Variants in SLC26A4 observed in about 807,000 individuals in gnomAD.
SLC26A4 encodes solute carrier family 26 member 4.
SLC26A4 carries 93 observed loss-of-function variants against 90.4 expected under a neutral mutation model. That is an observed-to-expected ratio of 1.03 (90% CI 0.87 to 1.22). The LOEUF (loss-of-function observed/expected upper bound fraction) is 1.22. Ranked by LOEUF, SLC26A4 falls within the 50% of genes most tolerant of loss-of-function variation. SLC26A4 has a pLI of 0.00. For synonymous variants in SLC26A4, 393 were observed against 354.6 expected (o/e 1.11, Z -1.22); for missense variants, 1,127 against 946.2 (o/e 1.19, Z -2.51).
chr7:107,661,422 C>T lies in SLC26A4; in HGVS notation c.-3-217C>T. 1 of 607,854 alleles carries T rather than the reference C, an allele frequency of 1.6e-6. No individual in the cohort carries two copies. Among genetic ancestry groups the T allele is most frequent in the Non-Finnish European group, 2.9e-6 (1 of 342,048 alleles). 37.7% of individuals were successfully genotyped at this position (607,854 alleles called of 1,614,324 possible). On this transcript the variant is annotated intron_variant, in intron 1 of 20. Coordinates refer to ENST00000644269, the MANE Select transcript of SLC26A4 (RefSeq NM_000441.2). This position sits in a 1 kb window ranked among gnomAD's most constrained non-coding sequence, Gnocchi z 5.1. ...CGGGCAGCGGGTGCAGGCCACGAGA[C>T]CCGAAGGTTCTCAGGTGCCCCCCTG...
At chr7:107,685,636 G>A (rs538419850) in intron 8 of SLC26A4, among the ~76,000 whole-genome samples, 1 of 152,220 alleles carries the variant, frequency 6.6e-6, no homozygotes, top group African/African-American at 2.4e-5. Flanking sequence ...CCCTTTCCTG[G>A]TAGAAACATA....
intron 15 of SLC26A4, 146 bp from the exon 16 acceptor site, chr7:107,700,955 C>T (rs1254716991): frequency 1.6e-6 from 1 of 642,172 alleles, no homozygotes; most frequent in Non-Finnish European, 2.9e-6. Flanking sequence ...AGACAGAGAT[C>T]TACTCCATCA....
At chr7:107,684,289 A>C (rs911950631) in intron 8 of SLC26A4, among the ~76,000 whole-genome samples, 1 of 152,158 alleles carries the variant, frequency 6.6e-6, no homozygotes, top group African/African-American at 2.4e-5. Context: ...TTAAGACTAG[A>C]CTTGCTGTTA....
At chr7:107,663,919 G>C (rs1004979412) in intron 3 of SLC26A4, among the ~76,000 whole-genome samples, 1 of 152,082 alleles carries the variant, frequency 6.6e-6, no homozygotes, top group African/African-American at 2.4e-5. Flanking sequence ...TCCTGACCTC[G>C]TGATCCGCCT....
intron 13 of SLC26A4, among the ~76,000 whole-genome samples, chr7:107,696,773 C>A (rs918879321): frequency 1.3e-5 from 2 of 152,150 alleles, no homozygotes; most frequent in African/African-American, 4.8e-5. Flanking sequence ...TGTTTTGATT[C>A]TAGAGAGGCC....
intron 20 of SLC26A4, 60 bp downstream of exon 20, chr7:107,712,682 A>T: frequency 1.1e-6 from 1 of 890,408 alleles, no homozygotes; most frequent in Non-Finnish European, 1.9e-6. Flanking sequence ...TTAGAGTAAT[A>T]CAAATAGTGA....
chr7:107,693,462 C>T (rs1007215908), intron 10 of SLC26A4: 73 of 985,292 alleles, frequency 7.4e-5, no homozygotes, highest in Non-Finnish European at 8.6e-5. Context: ...TTGCACTAGA[C>T]AGTACTTGTG....
At chr7:107,679,796 A>AAATATAATCTTATATTATTATAT (rs1379037450) in intron 6 of SLC26A4, among the ~76,000 whole-genome samples, 28 of 142,030 alleles carry the variant, frequency 2.0e-4, no homozygotes, top group East Asian at 5.9e-4. Context: ...CTATGTCGTT[A>AAATATAATCTTATATTATTATAT]AATATAATCT....
chr7:107,680,000 T>TATTATATAATATA (rs1562827054), intron 6 of SLC26A4, among the ~76,000 whole-genome samples: 8 of 134,044 alleles, frequency 6.0e-5, no homozygotes, highest in African/African-American at 2.0e-4. Context: ...AATATAATCT[T>TATTATATAATATA]ATCTTATTAT....
intron 13 of SLC26A4, among the ~76,000 whole-genome samples, chr7:107,697,796 G>A (rs777478933): frequency 6.6e-6 from 1 of 152,182 alleles, no homozygotes; most frequent in Non-Finnish European, 1.5e-5. Flanking sequence ...TGTTGTGCAC[G>A]TGCAAGTATG....
Position 107,661,677 on chromosome 7 carries a change from G to A in SLC26A4, c.36G>A (p.Gln12=). Residue 12 remains glutamine (Q), a synonymous_variant, in exon 2 of 21, where the codon CAG becomes CAA. Transcript: ENST00000644269. The surrounding 1 kb of genome is among the most constrained non-coding windows in gnomAD (Gnocchi z 5.1). ...AAPGGRSEPP[Q]LPEYSCSYMV... The stretch of plus-strand genomic sequence containing the variant: ...CAGGCGGCAGGTCGGAGCCGCCGCA[G>A]CTCCCCGAGTACAGCTGCAGCTACA... 6.4e-7 allele frequency: 1 copy of A among 1,571,660 alleles called. No individual in the cohort carries two copies. Among genetic ancestry groups the A allele is most frequent in the Non-Finnish European group, 8.6e-7 (1 of 1,163,562 alleles).
intron 7 of SLC26A4, 27 bp from the exon 8 acceptor site, chr7:107,683,428 T>G (rs367614348): frequency 4.5e-5 from 73 of 1,610,652 alleles, no homozygotes; most frequent in Non-Finnish European, 6.2e-5. Flanking sequence ...ACCAATGGAG[T>G]TTTTAACATC....
chr7:107,681,499 A>G (rs187786578), intron 6 of SLC26A4, among the ~76,000 whole-genome samples: 82 of 152,324 alleles, frequency 5.4e-4, no homozygotes, highest in African/African-American at 1.9e-3. Context: ...CATTTTATAA[A>G]TGTTATAAAC....
chr7:107,686,405 T>TTTTC (rs774114215), intron 8 of SLC26A4, among the ~76,000 whole-genome samples: 8,723 of 82,454 alleles, frequency 0.11, 532 homozygotes, highest in South Asian at 0.14. Flanking sequence ...TCTCTCTCTT[T>TTTTC]TTTCTTTCTT....
Position 107,690,141 on chromosome 7 carries a change from G to C in SLC26A4, c.1167G>C (p.Gly389=). Residue 389 remains glycine, a synonymous_variant, in exon 10 of 21, where the codon GGG becomes GGC. Coordinates refer to ENST00000644269, the MANE Select transcript of SLC26A4 (RefSeq NM_000441.2). ...IDGNQEFIAF[G]ISNIFSGFFS... ...TTCCTTAGGAATTCATTGCCTTTGGGATCAGCAACATCTTCTCAGGATTCT... is the reference window on the plus strand; with the variant it reads ...TTCCTTAGGAATTCATTGCCTTTGGCATCAGCAACATCTTCTCAGGATTCT... 6.2e-7 allele frequency: 1 copy of C among 1,609,106 alleles called. No homozygotes were observed. Among genetic ancestry groups the C allele is most frequent in the Non-Finnish European group, 8.5e-7 (1 of 1,175,468 alleles).
chr7:107,667,846 T>C (rs997642327), intron 3 of SLC26A4, among the ~76,000 whole-genome samples: 11 of 152,282 alleles, frequency 7.2e-5, no homozygotes, highest in African/African-American at 2.6e-4. Flanking sequence ...ATGGTGCAGA[T>C]GCAGACGGGT....
intron 10 of SLC26A4, chr7:107,693,166 T>A: frequency 3.2e-6 from 1 of 315,614 alleles, no homozygotes; most frequent in Non-Finnish European, 4.6e-6. Flanking sequence ...GGAAGGGATA[T>A]GAAGGAAAGC....
At chr7:107,688,122 T>A (rs1487162150) in intron 8 of SLC26A4, among the ~76,000 whole-genome samples, 6 of 152,354 alleles carry the variant, frequency 3.9e-5, no homozygotes, top group Non-Finnish European at 8.8e-5. Flanking sequence ...TTTCCAGGTC[T>A]AAGTTCCTTT....
intron 6 of SLC26A4, among the ~76,000 whole-genome samples, chr7:107,681,337 T>A (rs1791224043): frequency 2.0e-5 from 3 of 152,164 alleles, no homozygotes; most frequent in Non-Finnish European, 4.4e-5. Flanking sequence ...TTCTTGAATG[T>A]GTTCCAGAGA....
Sources: gnomAD v4.1 joint callset for allele counts (sites outside exome capture counted in the v4.1 genomes callset) on GRCh38, gnomAD v4.1.1 for gene constraint, Gnocchi (gnomAD v3.1) non-coding constraint, MANE v1.5 for transcripts, NCBI Gene and HGNC (gene_info 2026-07-23, HGNC 2026-07-21) for gene names.